Variants in FSTL5 observed in about 807,000 individuals in gnomAD.
The protein encoded by FSTL5 is follistatin-related protein 5.
In FSTL5, 62 loss-of-function variants were observed where a neutral mutation model predicts 89.1. That is an observed-to-expected ratio of 0.70 (90% CI 0.57 to 0.86). The LOEUF is 0.86. Among genes scored for constraint, FSTL5 ranks in the 40% least tolerant of loss-of-function variants. FSTL5 has a pLI of 0.00. For missense variants in FSTL5, 1,057 were observed against 1,001.6 expected (o/e 1.06, Z -0.75); for synonymous variants, 383 against 346.2 (o/e 1.11, Z -1.18).
chr4:161,595,715 A>G (rs2126616955), intron 7 of FSTL5, among the ~76,000 whole-genome samples: 1 of 152,200 alleles, frequency 6.6e-6, no homozygotes, highest in East Asian at 1.9e-4. Flanking sequence ...TACTGATTAT[A>G]TCAGTACATA....
intron 4 of FSTL5, among the ~76,000 whole-genome samples, chr4:161,889,558 C>A (rs1263245427): frequency 4.6e-5 from 7 of 152,270 alleles, no homozygotes; most frequent in Non-Finnish European, 4.4e-5. Flanking sequence ...GCAGGAGAAT[C>A]ACTTGAACCC....
At chr4:161,585,635 A>C (rs542564196) in intron 8 of FSTL5, among the ~76,000 whole-genome samples, 1 of 151,672 alleles carries the variant, frequency 6.6e-6, no homozygotes, top group South Asian at 2.1e-4. Flanking sequence ...TTGAATAGGC[A>C]AACAGTCAGT....
In FSTL5 at chr4:161,739,038, T is replaced by A. The variant is rs574071895; in HGVS notation, c.727+20373A>T. On this transcript the variant is annotated intron_variant, in intron 6 of 15. Coordinates refer to ENST00000306100, the MANE Select transcript of FSTL5 (RefSeq NM_020116.5). ...TTTATCTTATTTTTGTACACATAAT[T>A]CCTGTTTCAGTTATTAAAAATGTTT... 2.6e-5 allele frequency among the ~76,000 whole-genome samples: 4 copies of A among 152,354 alleles called. No homozygotes were observed. The East Asian group carries it at 7.7e-4, about 29-fold the overall frequency.
intron 8 of FSTL5, among the ~76,000 whole-genome samples, chr4:161,576,685 C>G (rs1484381609): frequency 6.6e-6 from 1 of 152,134 alleles, no homozygotes; most frequent in Non-Finnish European, 1.5e-5. Flanking sequence ...TTTAAAATAG[C>G]TCCTCCAACT....
intron 13 of FSTL5, among the ~76,000 whole-genome samples, chr4:161,464,789 T>C (rs1733696748): frequency 6.6e-6 from 1 of 152,152 alleles, no homozygotes; most frequent in Non-Finnish European, 1.5e-5. Context: ...TCATTATTGT[T>C]ATTATTTATT....
At chr4:161,852,851 G>C (rs544210754) in intron 4 of FSTL5, among the ~76,000 whole-genome samples, 11 of 152,084 alleles carry the variant, frequency 7.2e-5, no homozygotes, top group Non-Finnish European at 1.2e-4. Context: ...GTGCGTGGGA[G>C]GAGGGAGAGC....
At chr4:161,929,244 C>CT (rs58570212) in intron 3 of FSTL5, among the ~76,000 whole-genome samples, 14,869 of 145,052 alleles carry the variant, frequency 0.1, 878 homozygotes, top group East Asian at 0.18. Flanking sequence ...ATTAGCTTTG[C>CT]TTTTTTTTTT....
chr4:161,529,802 G>A lies in FSTL5; in HGVS notation c.1312+8364C>T, dbSNP rs140551093. 9.1e-3 allele frequency among the ~76,000 whole-genome samples: 1,299 copies of A among 142,038 alleles called. 154 individuals carry two copies. Among genetic ancestry groups the A allele is most frequent in the African/African-American group, 0.031 (1,251 of 39,914 alleles). The allele number at this position is 142,038 out of a possible 152,430, so 93.2% of individuals were successfully genotyped here. On this transcript the variant is annotated intron_variant, in intron 10 of 15. Coordinates refer to ENST00000306100, the MANE Select transcript of FSTL5 (RefSeq NM_020116.5). ...CTGCACTTTATCTTTATGGATTTTT[G>A]CTGTATGTTATTATTCTATCTATCT...
In FSTL5 at chr4:162,073,142, T is replaced by A. The variant is rs143879714; in HGVS notation, c.126+38129A>T. ...TAATTATAATAAATATTTTTATATA[T>A]CTACATATGTATATAGACACATATA... On this transcript the variant is annotated intron_variant, in intron 2 of 15. Coordinates refer to ENST00000306100, the MANE Select transcript of FSTL5 (RefSeq NM_020116.5). Among the ~76,000 whole-genome samples, 343 of 151,940 alleles carry A rather than the reference T, an allele frequency of 2.3e-3. 1 individual carries two copies. Among genetic ancestry groups the A allele is most frequent in the African/African-American group, 7.8e-3 (325 of 41,512 alleles).
intron 7 of FSTL5, among the ~76,000 whole-genome samples, chr4:161,619,498 AAAAC>A (rs1182372773): frequency 3.9e-5 from 6 of 152,362 alleles, no homozygotes; most frequent in South Asian, 2.1e-4. Context: ...TTACAAGAAA[AAAAC>A]AAACAACCCC....
At chr4:161,796,909 T>G (rs1233420617) in intron 4 of FSTL5, among the ~76,000 whole-genome samples, 1 of 151,616 alleles carries the variant, frequency 6.6e-6, no homozygotes, top group African/African-American at 2.4e-5. Flanking sequence ...GTCTTCTGTC[T>G]TGCTTTCTTA....
At chr4:161,680,845 T>C (rs566605567) in intron 6 of FSTL5, among the ~76,000 whole-genome samples, 19 of 152,154 alleles carry the variant, frequency 1.2e-4, no homozygotes, top group Non-Finnish European at 2.5e-4. Context: ...CTTAAAAATA[T>C]ATGGCACATT....
At chr4:161,599,801 C>T (rs905945066) in intron 7 of FSTL5, among the ~76,000 whole-genome samples, 16 of 151,878 alleles carry the variant, frequency 1.1e-4, no homozygotes, top group African/African-American at 3.9e-4. Flanking sequence ...AATAAATATC[C>T]ATTTACATAG....
chr4:161,482,162 A>G (rs190067017), intron 12 of FSTL5, among the ~76,000 whole-genome samples: 86 of 152,060 alleles, frequency 5.7e-4, no homozygotes, highest in South Asian at 1.5e-3. Context: ...AAAAATACAA[A>G]AAAATTAGCT....
Position 161,450,620 on chromosome 4 carries a change from T to C in FSTL5, c.1841+4384A>G, listed in dbSNP as rs114742898. Among the ~76,000 whole-genome samples, 572 of 152,332 alleles carry C rather than the reference T, an allele frequency of 3.8e-3. 4 individuals carry two copies. The highest frequency in any genetic ancestry group is 0.013 in the African/African-American group (523 of 41,588). ...ATAACTTATTTTTTTGGATACAAAT[T>C]ACACATAGAATAATGAAGCGTTGCT... On this transcript the variant is annotated intron_variant, in intron 15 of 15. Transcript: ENST00000306100.
At chr4:161,748,107 G>A (rs1579064937) in intron 6 of FSTL5, among the ~76,000 whole-genome samples, 1 of 152,014 alleles carries the variant, frequency 6.6e-6, no homozygotes, top group South Asian at 2.1e-4. Flanking sequence ...ACTAATGAGT[G>A]GTATCAGGCA....
At chr4:161,795,228 T>A (rs1729598947) in intron 4 of FSTL5, among the ~76,000 whole-genome samples, 1 of 152,130 alleles carries the variant, frequency 6.6e-6, no homozygotes, top group Non-Finnish European at 1.5e-5. Context: ...ATGAATTATT[T>A]TTTAGTATAA....
intron 15 of FSTL5, among the ~76,000 whole-genome samples, chr4:161,423,455 A>T (rs141795617): frequency 1.1e-4 from 16 of 152,282 alleles, no homozygotes; most frequent in Admixed American, 6.5e-4. Context: ...TAGATTTTTT[A>T]AAATTTTTCG....
intron 4 of FSTL5, among the ~76,000 whole-genome samples, chr4:161,895,915 C>T (rs1431489): frequency 0.46 from 69,152 of 151,752 alleles, 16,183 homozygotes; most frequent in Middle Eastern, 0.57. Flanking sequence ...TATAGGGGGG[C>T]ATATCTACTG....
Sources: gnomAD v4.1 joint callset for allele counts (sites outside exome capture counted in the v4.1 genomes callset) on GRCh38, gnomAD v4.1.1 for gene constraint, MANE v1.5 for transcripts, NCBI Gene and HGNC (gene_info 2026-07-23, HGNC 2026-07-21) for gene names.